Variants in FMN2 observed in about 807,000 individuals in gnomAD.
FMN2 encodes formin 2.
In FMN2, 51 loss-of-function variants were observed where a neutral mutation model predicts 142.3. The ratio of observed to expected loss-of-function variants is 0.36; its 90% CI spans 0.29 to 0.45. The LOEUF (loss-of-function observed/expected upper bound fraction) is 0.45, where lower values mean the gene tolerates loss of function less well. Among genes scored for constraint, FMN2 ranks in the 20% least tolerant of loss-of-function variants. The probability of loss-of-function intolerance (pLI) is 1.00; values close to 1 mark genes in which losing one functional copy is unlikely to be tolerated. For missense variants in FMN2, 1,936 were observed against 2,122.8 expected (o/e 0.91, Z 1.73); for synonymous variants, 882 against 869.8 (o/e 1.01, Z -0.25).
chr1:240,436,576 C>A (rs1236814985), intron 15 of FMN2, among the ~76,000 whole-genome samples: 1 of 151,522 alleles, frequency 6.6e-6, no homozygotes, highest in Non-Finnish European at 1.5e-5. Context: ...ATTTGGGAGG[C>A]TGAGGCAGGA....
intron 6 of FMN2, among the ~76,000 whole-genome samples, chr1:240,236,313 C>G (rs1268671133): frequency 3.3e-5 from 5 of 152,172 alleles, no homozygotes; most frequent in African/African-American, 1.2e-4. Context: ...TTTAGTGACT[C>G]TCACTCTCGC....
chr1:240,359,358 T>C (rs2103051728), intron 14 of FMN2, among the ~76,000 whole-genome samples: 1 of 152,316 alleles, frequency 6.6e-6, no homozygotes, highest in Non-Finnish European at 1.5e-5. Flanking sequence ...TATATTTTTG[T>C]ATATACAAGC....
chr1:240,138,636 G>C (rs1034643979), intron 2 of FMN2, among the ~76,000 whole-genome samples: 1 of 152,078 alleles, frequency 6.6e-6, no homozygotes, highest in South Asian at 2.1e-4. Flanking sequence ...GAACCAAGGA[G>C]CTGGCGGTTG....
intron 8 of FMN2, among the ~76,000 whole-genome samples, chr1:240,306,560 T>C (rs1399273349): frequency 6.6e-6 from 1 of 152,204 alleles, no homozygotes; most frequent in Non-Finnish European, 1.5e-5. Flanking sequence ...TGCATCCATG[T>C]TTCTGCAAAG....
At chr1:240,440,815 G>T (rs765032138) in intron 16 of FMN2, among the ~76,000 whole-genome samples, 9 of 151,606 alleles carry the variant, frequency 5.9e-5, no homozygotes, top group Non-Finnish European at 1.0e-4. Flanking sequence ...CCTTTCCTTA[G>T]TGAGGGACCA....
At chr1:240,263,353 GT>G (rs1345410646) in intron 7 of FMN2, among the ~76,000 whole-genome samples, 1 of 152,174 alleles carries the variant, frequency 6.6e-6, no homozygotes, top group African/African-American at 2.4e-5. Flanking sequence ...CATCTAGAAA[GT>G]CAACTCAGCC....
chr1:240,313,219 C>G (rs1185944198), intron 8 of FMN2, among the ~76,000 whole-genome samples: 1 of 152,188 alleles, frequency 6.6e-6, no homozygotes. Flanking sequence ...CCATTCTACC[C>G]ATCCGATGCT....
rs577273227 is a variant in FMN2 at position 240,287,686 on chromosome 1, C to A, written c.4154-7136C>A. On this transcript the variant is annotated intron_variant, in intron 7 of 17. Transcript: ENST00000319653. ...TGATTTGGAGAGAGATTAAAAAAAA[C>A]ATTTTCCATTATAGGAATGTGAAAT... 2.6e-5 allele frequency among the ~76,000 whole-genome samples: 4 copies of A among 152,296 alleles called. No individual in the cohort carries two copies. In the East Asian group the frequency reaches 5.8e-4, roughly 22 times the overall value.
At position 240,361,478 on chromosome 1, in the gene FMN2, G is replaced by T. The variant is rs113516235; in HGVS notation, c.4858+5570G>T. The stretch of plus-strand genomic sequence containing the variant: ...GAAAGCCTTGGACTAAGGAAGTGGG[G>T]ATGGTGCTGAAGAGAGAATAGCAGT... On this transcript the variant is annotated intron_variant, in intron 14 of 17. Coordinates refer to ENST00000319653, the MANE Select transcript of FMN2 (RefSeq NM_020066.5). Among the ~76,000 whole-genome samples the T allele has an allele frequency of 6.6e-4, 101 of 152,254 alleles. 1 individual carries two copies. Among genetic ancestry groups the T allele is most frequent in the African/African-American group, 2.0e-3 (85 of 41,546 alleles).
At chr1:240,467,627 T>C (rs984788299) in intron 16 of FMN2, among the ~76,000 whole-genome samples, 4 of 152,174 alleles carry the variant, frequency 2.6e-5, no homozygotes, top group African/African-American at 9.7e-5. Context: ...TCAAAATTGG[T>C]TATACAAAGA....
At chr1:240,419,242 A>T (rs1047421101) in intron 15 of FMN2, among the ~76,000 whole-genome samples, 8 of 151,966 alleles carry the variant, frequency 5.3e-5, no homozygotes, top group African/African-American at 1.9e-4. Flanking sequence ...AGAGTTTTTC[A>T]TCTTCCTGGT....
At chr1:240,131,660 G>T (rs987920460) in intron 2 of FMN2, among the ~76,000 whole-genome samples, 1 of 151,990 alleles carries the variant, frequency 6.6e-6, no homozygotes, top group Non-Finnish European at 1.5e-5. Context: ...AGTGAGCCAA[G>T]ATCGCACTAT....
chr1:240,418,725 CT>C (rs1301996514), intron 15 of FMN2, among the ~76,000 whole-genome samples: 2 of 148,474 alleles, frequency 1.3e-5, no homozygotes, highest in African/African-American at 5.3e-5. Flanking sequence ...ATGTAGTGTT[CT>C]ATTTTATTAT....
chr1:240,115,692 A>C (rs1661993531), intron 1 of FMN2, among the ~76,000 whole-genome samples: 1 of 152,154 alleles, frequency 6.6e-6, no homozygotes, highest in African/African-American at 2.4e-5. Context: ...AGCCAACCCC[A>C]AAACTGGGGT....
intron 7 of FMN2, among the ~76,000 whole-genome samples, chr1:240,275,064 G>C (rs766153293): frequency 2.9e-4 from 42 of 143,318 alleles, no homozygotes; most frequent in Non-Finnish European, 5.0e-4. Flanking sequence ...TCAAGAAAGG[G>C]TGTTCTTTTT....
intron 14 of FMN2, among the ~76,000 whole-genome samples, chr1:240,385,881 G>GATAT (rs58593059): frequency 9.2e-5 from 14 of 151,528 alleles, no homozygotes; most frequent in African/African-American, 1.9e-4. Context: ...GAGGCACAAT[G>GATAT]ATATATATAT....
intron 4 of FMN2, among the ~76,000 whole-genome samples, chr1:240,200,739 T>G (rs1378488247): frequency 6.6e-6 from 1 of 152,126 alleles, no homozygotes; most frequent in Non-Finnish European, 1.5e-5. Context: ...GCAGGTTGGT[T>G]TTTTGTTCTC....
At chr1:240,253,596 ATG>A (rs944988201) in intron 6 of FMN2, among the ~76,000 whole-genome samples, 4 of 152,116 alleles carry the variant, frequency 2.6e-5, no homozygotes, top group Admixed American at 2.0e-4. Flanking sequence ...AACTTCATGA[ATG>A]TCTTTTTCAT....
rs145685084 is a variant in FMN2 at position 240,329,197 on chromosome 1, C to T, written c.4307+30C>T. On this transcript the variant is annotated intron_variant, in intron 9 of 17. Coordinates refer to ENST00000319653, the MANE Select transcript of FMN2 (RefSeq NM_020066.5). Reference sequence around the variant, plus strand: ...GCATGTCTTATAACCACGTAGAGGGCGTCCAGGCTATGGGTGGGCCCGTTT... The same window carrying T: ...GCATGTCTTATAACCACGTAGAGGGTGTCCAGGCTATGGGTGGGCCCGTTT... The T allele has an allele frequency of 2.5e-5, 40 of 1,611,662 alleles. No individual in the cohort carries two copies. In the Admixed American group the frequency reaches 2.5e-4, roughly 10 times the overall value.
Sources: gnomAD v4.1 joint callset for allele counts (sites outside exome capture counted in the v4.1 genomes callset) on GRCh38, gnomAD v4.1.1 for gene constraint, MANE v1.5 for transcripts, NCBI Gene and HGNC (gene_info 2026-07-23, HGNC 2026-07-21) for gene names.